OR51B5: variants seen among roughly 807,000 people sequenced by gnomAD.
The protein encoded by OR51B5 is olfactory receptor 51B5.
For synonymous variants in OR51B5, 186 were observed against 144.8 expected, an observed-to-expected ratio of 1.28 and a Z score of -2.04; for missense variants, 456 against 374.6, an observed-to-expected ratio of 1.22 and a Z score of -1.79.
At chr11:5,481,974 A>G (rs1163260743) in intron 1 of OR51B5, among the ~76,000 whole-genome samples, 1 of 121,778 alleles carries the variant, frequency 8.2e-6, no homozygotes, top group Non-Finnish European at 1.6e-5. Flanking sequence ...CAAGCTACCA[A>G]TGACTTTCTT....
rs1296498422 is a variant in OR51B5, at chr11:5,343,171, A to ATAGGCCATGG, written c.344_353dup (p.Asp119HisfsTer4). 1 of 1,613,926 alleles carries ATAGGCCATGG rather than the reference A, an allele frequency of 6.2e-7. No individual in the cohort carries two copies. Among genetic ancestry groups the ATAGGCCATGG allele is most frequent in the Non-Finnish European group, 8.5e-7 (1 of 1,179,954 alleles). On this transcript the variant is annotated frameshift_variant, in exon 1 of 1. Transcript: ENST00000300773. LOFTEE classifies it low-confidence loss of function (END_TRUNC). ...GGTTGCAGATGGCAATAAAACGGTC[A>ATAGGCCATGG]TAGGCCATGGCAAGCAGAATGCCAG...
At chr11:5,444,651 G>C (rs1187597577) in intron 1 of OR51B5, among the ~76,000 whole-genome samples, 1 of 152,296 alleles carries the variant, frequency 6.6e-6, no homozygotes, top group African/African-American at 2.4e-5. Flanking sequence ...ATACTATGCT[G>C]TGGGTACAGC....
rs199867361 is a variant in OR51B5 at position 5,440,634 on chromosome 11, T to C, written n.84+64935A>G. Reference sequence around the variant, plus strand: ...GCGGATCTCCTTGGTTTTCACACTGTAGATGATAGGGTTGAGCATGGGTGG... The same window carrying C: ...GCGGATCTCCTTGGTTTTCACACTGCAGATGATAGGGTTGAGCATGGGTGG... On this transcript the variant is annotated intron_variant and non_coding_transcript_variant, in intron 1 of 4. Transcript: ENST00000415970. 13 of 1,613,854 alleles carry C rather than the reference T, an allele frequency of 8.1e-6. No homozygotes were observed. The highest frequency in any genetic ancestry group is 7.7e-5 in the South Asian group (7 of 91,086).
intron 1 of OR51B5, among the ~76,000 whole-genome samples, chr11:5,361,848 G>A (rs956892591): frequency 6.6e-6 from 1 of 152,060 alleles, no homozygotes; most frequent in African/African-American, 2.4e-5. Flanking sequence ...TATTTCCTTT[G>A]TTGCTCTCTT....
chr11:5,376,351 G>A (rs1420232689), intron 1 of OR51B5, among the ~76,000 whole-genome samples: 2 of 152,098 alleles, frequency 1.3e-5, no homozygotes, highest in South Asian at 2.1e-4. Context: ...ACGCCCACAA[G>A]AGAAAGCAAG....
At chr11:5,390,505 C>T in intron 1 of OR51B5, 2 of 769,882 alleles carry the variant, frequency 2.6e-6, no homozygotes, top group Non-Finnish European at 4.0e-6. Flanking sequence ...AAAATATGGG[C>T]AAATTTATGT....
At chr11:5,459,828 C>A (rs1851019845) in intron 1 of OR51B5, among the ~76,000 whole-genome samples, 1 of 152,134 alleles carries the variant, frequency 6.6e-6, no homozygotes, top group Non-Finnish European at 1.5e-5. Context: ...GTGGTGATTC[C>A]TCAAAGAGCT....
chr11:5,364,067 T>C (rs1457166355), intron 1 of OR51B5, among the ~76,000 whole-genome samples: 1 of 152,182 alleles, frequency 6.6e-6, no homozygotes, highest in Non-Finnish European at 1.5e-5. Context: ...AGGTACTATC[T>C]CATTCTCCAT....
intron 1 of OR51B5, chr11:5,440,764 G>A: frequency 1.2e-6 from 2 of 1,613,970 alleles, no homozygotes; most frequent in Non-Finnish European, 8.5e-7. Context: ...TAAAAGGCCA[G>A]CACTGCACAG....
chr11:5,470,380 G>GC, intron 1 of OR51B5, among the ~76,000 whole-genome samples: 1 of 152,036 alleles, frequency 6.6e-6, no homozygotes, highest in Non-Finnish European at 1.5e-5. Context: ...CCTCTTAATT[G>GC]CCCCCTCATT....
At chr11:5,485,921 T>G (rs1451277083) in intron 1 of OR51B5, among the ~76,000 whole-genome samples, 4 of 152,112 alleles carry the variant, frequency 2.6e-5, no homozygotes, top group Non-Finnish European at 4.4e-5. Flanking sequence ...GATGTGATAG[T>G]TTTTTTAAAA....
intron 1 of OR51B5, among the ~76,000 whole-genome samples, chr11:5,376,092 C>T (rs866441033): frequency 9.6e-4 from 146 of 152,000 alleles, no homozygotes; most frequent in African/African-American, 3.3e-3. Flanking sequence ...TATAAAAGAA[C>T]AGAAATTATA....
intron 1 of OR51B5, chr11:5,440,630 A>G (rs61735506): frequency 1.2e-6 from 2 of 1,613,670 alleles, no homozygotes; most frequent in Admixed American, 1.7e-5. Context: ...TGGTTTTCAC[A>G]CTGTAGATGA....
chr11:5,405,444 A>G (rs1052573983), intron 1 of OR51B5, among the ~76,000 whole-genome samples: 1 of 152,174 alleles, frequency 6.6e-6, no homozygotes, highest in Non-Finnish European at 1.5e-5. Flanking sequence ...AGCATACTCA[A>G]TGAGTCAGGT....
chr11:5,487,989 T>C (rs1851521214), intron 1 of OR51B5, among the ~76,000 whole-genome samples: 1 of 134,872 alleles, frequency 7.4e-6, no homozygotes. Context: ...TGATTTGGTG[T>C]ATATTTGGCA....
rs142527894 is a variant in OR51B5 at position 5,373,393 on chromosome 11, G to A, written n.85-26483C>T. Among the ~76,000 whole-genome samples the A allele has an allele frequency of 7.0e-3, 1,062 of 152,254 alleles. 12 individuals are homozygous for A. The highest frequency in any genetic ancestry group is 0.024 in the African/African-American group (1,004 of 41,538). On this transcript the variant is annotated intron_variant and non_coding_transcript_variant, in intron 1 of 4. Coordinates refer to the OR51B5 transcript ENST00000415970. Reference sequence around the variant, plus strand: ...ACAGCTCTGGTCTACAGCTCCCAGCGTGAACAACACAGAAGACGGGTGATT... The same window carrying A: ...ACAGCTCTGGTCTACAGCTCCCAGCATGAACAACACAGAAGACGGGTGATT...
chr11:5,357,985 CAAAGCAGTGTGTAGAGGGAAAT>C (rs1428683471), intron 1 of OR51B5, among the ~76,000 whole-genome samples: 1 of 151,946 alleles, frequency 6.6e-6, no homozygotes, highest in East Asian at 1.9e-4. Flanking sequence ...GGGACACATT[CAAAGCAGTGTGTAGAGGGAAAT>C]TTATAGCACT....
chr11:5,422,455 G>A (rs142738618), intron 1 of OR51B5: 1 of 1,614,178 alleles, frequency 6.2e-7, no homozygotes, highest in South Asian at 1.1e-5. Flanking sequence ...CAGTCATGCA[G>A]CTTCTCTGGT....
At chr11:5,395,211 C>A (rs79039947) in intron 1 of OR51B5, among the ~76,000 whole-genome samples, 6,937 of 152,158 alleles carry the variant, frequency 0.046, 224 homozygotes, top group South Asian at 0.093. Context: ...GGCCAAAGAC[C>A]CAAGGAAGAG....
Sources: allele counts gnomAD v4.1 joint callset (sites outside exome capture counted in the v4.1 genomes callset), GRCh38; gene constraint gnomAD v4.1.1; transcripts MANE v1.5; gene names NCBI Gene and HGNC (gene_info 2026-07-23, HGNC 2026-07-21).